The following CLSTN2 variants were observed in gnomAD, a reference collection of about 807,000 sequenced individuals.
The protein encoded by CLSTN2 is calsyntenin-2.
CLSTN2 carries 48 observed loss-of-function variants against 101.2 expected under a neutral mutation model. The ratio of observed to expected loss-of-function variants is 0.47; its 90% CI spans 0.38 to 0.60. CLSTN2 has a LOEUF of 0.60. Among genes scored for constraint, CLSTN2 ranks in the 20% least tolerant of loss-of-function variants. CLSTN2 has a pLI of 0.00. For synonymous variants in CLSTN2, 481 were observed against 463.6 expected, an observed-to-expected ratio of 1.04 and a Z score of -0.48; for missense variants, 1,160 against 1,238.2, an observed-to-expected ratio of 0.94 and a Z score of 0.95.
At chr3:140,546,724 A>T in intron 10 of CLSTN2, 43 bp downstream of exon 10, 1 of 1,539,964 alleles carries the variant, frequency 6.5e-7, no homozygotes, top group South Asian at 1.2e-5. Context: ...ACAGGGATTC[A>T]TGATGCCCAG....
chr3:140,291,045 A>T (rs531044429), intron 2 of CLSTN2, among the ~76,000 whole-genome samples: 1 of 152,250 alleles, frequency 6.6e-6, no homozygotes, highest in African/African-American at 2.4e-5. Flanking sequence ...ACATCCAAAA[A>T]TCCCTACCAT....
intron 5 of CLSTN2, among the ~76,000 whole-genome samples, chr3:140,431,790 G>A (rs1033411752): frequency 1.3e-5 from 2 of 152,170 alleles, no homozygotes; most frequent in African/African-American, 4.8e-5. Flanking sequence ...CCCTTAGCTG[G>A]GTCATAATCT....
chr3:140,195,560 T>A (rs540705544), intron 2 of CLSTN2, among the ~76,000 whole-genome samples: 246 of 151,324 alleles, frequency 1.6e-3, no homozygotes, highest in South Asian at 5.0e-3. Flanking sequence ...AAATAGTTTT[T>A]AAAAAAAAAT....
rs193228446 is a variant in CLSTN2, at chr3:140,321,047, C to T, written c.233-82582C>T. Among the ~76,000 whole-genome samples the T allele has an allele frequency of 1.3e-3, 205 of 152,242 alleles. 1 individual carries two copies. Among genetic ancestry groups the T allele is most frequent in the African/African-American group, 4.7e-3 (194 of 41,552 alleles). On this transcript the variant is annotated intron_variant, in intron 2 of 16. Transcript: ENST00000458420. ...TATCAAGGAATGCTCTCTCATCTTTCGCGGGGTATGGGCTGAAACTGACGG... is the reference window on the plus strand; with the variant it reads ...TATCAAGGAATGCTCTCTCATCTTTTGCGGGGTATGGGCTGAAACTGACGG...
intron 1 of CLSTN2, among the ~76,000 whole-genome samples, chr3:140,029,779 T>A (rs12636795): frequency 0.51 from 77,288 of 151,942 alleles, 21,103 homozygotes; most frequent in South Asian, 0.72. Context: ...TTGGGAGCAT[T>A]ATCTTCCCCT....
chr3:140,197,002 A>C (rs2010654012), intron 2 of CLSTN2, among the ~76,000 whole-genome samples: 1 of 152,206 alleles, frequency 6.6e-6, no homozygotes. Context: ...TACAAATTGA[A>C]TTTTACTTTG....
intron 2 of CLSTN2, among the ~76,000 whole-genome samples, chr3:140,301,834 T>C (rs927831486): frequency 2.6e-5 from 4 of 151,974 alleles, no homozygotes; most frequent in Non-Finnish European, 5.9e-5. Flanking sequence ...GCTAGCTACA[T>C]GTCAAGCAAA....
chr3:140,563,324 C>T, intron 15 of CLSTN2, 121 bp downstream of exon 15: 2 of 1,119,264 alleles, frequency 1.8e-6, no homozygotes, highest in South Asian at 3.0e-5. Flanking sequence ...GGAGGGAACC[C>T]AGCAATGGAG....
chr3:140,113,266 C>A (rs984441903), intron 1 of CLSTN2, among the ~76,000 whole-genome samples: 4 of 152,216 alleles, frequency 2.6e-5, no homozygotes, highest in Admixed American at 2.0e-4. Flanking sequence ...TTCTGAACAT[C>A]CAGCAGCAAC....
At chr3:140,449,008 C>T (rs1390434528) in intron 6 of CLSTN2, among the ~76,000 whole-genome samples, 1 of 152,098 alleles carries the variant, frequency 6.6e-6, no homozygotes, top group East Asian at 1.9e-4. Context: ...TTCAGGAGTA[C>T]CTAGGTCAGG....
At chr3:140,338,492 G>A (rs1288138391) in intron 2 of CLSTN2, among the ~76,000 whole-genome samples, 2 of 152,142 alleles carry the variant, frequency 1.3e-5, no homozygotes, top group East Asian at 3.9e-4. Context: ...ATCTATAAAG[G>A]AAGAGTAATG....
At chr3:140,526,862 T>C (rs985627014) in intron 8 of CLSTN2, among the ~76,000 whole-genome samples, 1 of 152,084 alleles carries the variant, frequency 6.6e-6, no homozygotes, top group Non-Finnish European at 1.5e-5. Flanking sequence ...ATGAATGGTG[T>C]TGGGATAACG....
At chr3:140,481,748 T>C (rs1934122394) in intron 8 of CLSTN2, among the ~76,000 whole-genome samples, 1 of 151,550 alleles carries the variant, frequency 6.6e-6, no homozygotes, top group Admixed American at 6.5e-5. Context: ...GGCTCTCTGT[T>C]TGTCTGTTAT....
intron 9 of CLSTN2, among the ~76,000 whole-genome samples, chr3:140,543,972 T>C (rs1200164282): frequency 6.6e-6 from 1 of 152,168 alleles, no homozygotes; most frequent in African/African-American, 2.4e-5. Flanking sequence ...CTAAAGACAG[T>C]CTGTCTCTGG....
intron 2 of CLSTN2, among the ~76,000 whole-genome samples, chr3:140,337,056 G>C (rs1207423671): frequency 3.3e-5 from 5 of 152,196 alleles, no homozygotes; most frequent in Admixed American, 3.3e-4. Flanking sequence ...TGCTCAGCAG[G>C]CTGGATTACA....
chr3:140,551,346 T>G (rs1172929182), intron 10 of CLSTN2, among the ~76,000 whole-genome samples: 1 of 152,146 alleles, frequency 6.6e-6, no homozygotes, highest in African/African-American at 2.4e-5. Context: ...TTCTTCTGAA[T>G]CATGCATATT....
intron 2 of CLSTN2, among the ~76,000 whole-genome samples, chr3:140,374,687 A>G (rs1410406560): frequency 1.3e-5 from 2 of 152,232 alleles, no homozygotes; most frequent in Non-Finnish European, 2.9e-5. Flanking sequence ...AGAAATAGAA[A>G]ACCTAAATGA....
At chr3:140,368,659 G>A (rs1375749243) in intron 2 of CLSTN2, among the ~76,000 whole-genome samples, 1 of 152,098 alleles carries the variant, frequency 6.6e-6, no homozygotes, top group Non-Finnish European at 1.5e-5. Flanking sequence ...GACTAGCACA[G>A]GTAGGGAATT....
chr3:140,196,843 T>C (rs1332439323), intron 2 of CLSTN2, among the ~76,000 whole-genome samples: 2 of 152,246 alleles, frequency 1.3e-5, no homozygotes, highest in African/African-American at 4.8e-5. Context: ...TATTTTGTTA[T>C]GAAAAACATT....
Sources: gnomAD v4.1 joint callset for allele counts (sites outside exome capture counted in the v4.1 genomes callset) on GRCh38, gnomAD v4.1.1 for gene constraint, MANE v1.5 for transcripts, NCBI Gene and HGNC (gene_info 2026-07-23, HGNC 2026-07-21) for gene names.